KIFC3: variants seen among roughly 807,000 people sequenced by gnomAD.
The protein encoded by KIFC3 is kinesin-like protein KIFC3.
KIFC3 carries 60 observed loss-of-function variants against 101.8 expected under a neutral mutation model. The observed-to-expected ratio is 0.59, with a 90% CI of 0.48 to 0.73. KIFC3 has a LOEUF of 0.73. Among genes scored for constraint, KIFC3 ranks in the 30% least tolerant of loss-of-function variants. KIFC3 has a pLI of 0.00. For missense variants in KIFC3, 966 were observed against 1,137.1 expected, an observed-to-expected ratio of 0.85 and a Z score of 2.16; for synonymous variants, 476 against 482.7, an observed-to-expected ratio of 0.99 and a Z score of 0.18.
chr16:57,803,091 G>T, upstream of KIFC3: 1 of 1,478,432 alleles, frequency 6.8e-7, no homozygotes, highest in Non-Finnish European at 9.1e-7. Context: ...TCTAGCCACA[G>T]CACTTCCTAC....
intron 1 of KIFC3, chr16:57,810,504 C>T (rs1438147869): frequency 1.5e-5 from 3 of 198,166 alleles, no homozygotes; most frequent in South Asian, 1.8e-4. Flanking sequence ...ACCTCCCGCC[C>T]GCCCCGCTGA....
intron 10 of KIFC3, 106 bp from the exon 11 acceptor site, chr16:57,765,746 A>G: frequency 1.9e-6 from 2 of 1,036,732 alleles, no homozygotes; most frequent in East Asian, 2.6e-5. Context: ...GAGTCCCCTG[A>G]CTTTTAAGCA....
At chr16:57,761,600 C>G in intron 13 of KIFC3, 64 bp from the exon 14 acceptor site, 3 of 1,566,598 alleles carry the variant, frequency 1.9e-6, no homozygotes, top group Admixed American at 3.4e-5. Context: ...GCACTGCACC[C>G]AGCCCCCCAG....
At chr16:57,802,805 A>C, upstream of KIFC3, 2 of 787,900 alleles carry the variant, frequency 2.5e-6, no homozygotes, top group East Asian at 5.4e-5. This position sits in a 1 kb window ranked among gnomAD's most constrained non-coding sequence, Gnocchi z 5.0. Flanking sequence ...GAGGCAGCCC[A>C]CACAGCCCCA....
chr16:57,857,592 T>G (rs1365604541), intron 1 of KIFC3, among the ~76,000 whole-genome samples: 1 of 151,692 alleles, frequency 6.6e-6, no homozygotes, highest in Non-Finnish European at 1.5e-5. Flanking sequence ...TTCCCCTCCC[T>G]GTGTCTATGT....
At chr16:57,840,263 G>A (rs568616705) in intron 1 of KIFC3, among the ~76,000 whole-genome samples, 4 of 151,972 alleles carry the variant, frequency 2.6e-5, no homozygotes, top group Middle Eastern at 3.4e-3. Context: ...GCTTGAACCC[G>A]GGAGGTGGAG....
rs781950611 is a variant in KIFC3 at position 57,771,678 on chromosome 16, G to A, written c.390C>T (p.Thr130=). 8 of 1,611,416 alleles carry A rather than the reference G, an allele frequency of 5.0e-6. No individual in the cohort carries two copies. The highest frequency in any genetic ancestry group is 1.3e-5 in the African/African-American group (1 of 74,914). ...GCAGGTCCCGGTGCTTCTCCAAGTC[G>A]GTGCCCCCCTGCAGAGAGCCAGGGC... ...VSRLRSELGG[T]DLEKHRDLLM... The change falls in exon 5 of 20, where the codon ACC becomes ACT. Residue 130 remains threonine (T), a synonymous_variant. Coordinates refer to ENST00000445690, the MANE Select transcript of KIFC3 (RefSeq NM_001130100.2).
chr16:57,835,095 C>T (rs966439317), intron 1 of KIFC3, among the ~76,000 whole-genome samples: 7 of 152,180 alleles, frequency 4.6e-5, no homozygotes, highest in Admixed American at 3.3e-4. Flanking sequence ...TGAGTAAGAA[C>T]GGAGGCGGGT....
chr16:57,859,610 A>G (rs1402866572), intron 1 of KIFC3, among the ~76,000 whole-genome samples: 2 of 152,052 alleles, frequency 1.3e-5, no homozygotes, highest in African/African-American at 2.4e-5. Context: ...GAAATTTCCC[A>G]CAAGCAACAC....
At chr16:57,770,146 C>T (rs1019968775) in intron 7 of KIFC3, among the ~76,000 whole-genome samples, 191 bp from the exon 8 acceptor site, 9 of 152,248 alleles carry the variant, frequency 5.9e-5, no homozygotes, top group African/African-American at 2.2e-4. Flanking sequence ...GCATTGGCTC[C>T]AACACCAACC....
At chr16:57,827,518 G>C (rs34580283) in intron 1 of KIFC3, among the ~76,000 whole-genome samples, 47,496 of 152,078 alleles carry the variant, frequency 0.31, 7,818 homozygotes, top group African/African-American at 0.36. Context: ...CCCTTCTCCT[G>C]CCTGTCCCTC....
Position 57,769,515 on chromosome 16 carries a change from A to G in KIFC3, c.1218+80T>C. The stretch of plus-strand genomic sequence containing the variant: ...CTGAGCGGCTTTGTCTGAGCTTTGG[A>G]GGGACGCCCTGAGTGGATGTCGTGC... On this transcript the variant is annotated intron_variant, in intron 9 of 19. Transcript: ENST00000445690. The surrounding 1 kb of genome is among the most constrained non-coding windows in gnomAD (Gnocchi z 4.3). The G allele has an allele frequency of 6.6e-7, 1 of 1,520,280 alleles. No individual in the cohort carries two copies. Among genetic ancestry groups the G allele is most frequent in the Non-Finnish European group, 8.8e-7 (1 of 1,131,304 alleles). The allele number at this position is 1,520,280 out of a possible 1,614,324, so 94.2% of individuals were successfully genotyped here.
rs2049776868 is a variant in KIFC3 at position 57,760,975 on chromosome 16, C to G, written c.2003-20G>C. ...GCTTCCCTGCAGGGAAGGCACCCACCAGATCAGGCCTGCCCTGCCCCTTGG... is the reference window on the plus strand; with the variant it reads ...GCTTCCCTGCAGGGAAGGCACCCACGAGATCAGGCCTGCCCTGCCCCTTGG... On this transcript the variant is annotated intron_variant, in intron 15 of 19. Coordinates refer to ENST00000445690, the MANE Select transcript of KIFC3 (RefSeq NM_001130100.2). 6.2e-7 allele frequency: 1 copy of G among 1,605,570 alleles called. No homozygotes were observed. Among genetic ancestry groups the G allele is most frequent in the African/African-American group, 1.3e-5 (1 of 74,860 alleles).
chr16:57,770,438 G>C, intron 7 of KIFC3, 89 bp downstream of exon 7: 3 of 1,196,326 alleles, frequency 2.5e-6, no homozygotes, highest in Non-Finnish European at 3.3e-6. Context: ...CCGTGTCTGT[G>C]GGGTACCCAA....
At chr16:57,845,056 G>C (rs1257189423) in intron 1 of KIFC3, among the ~76,000 whole-genome samples, 1 of 152,134 alleles carries the variant, frequency 6.6e-6, no homozygotes, top group African/African-American at 2.4e-5. Flanking sequence ...CAAAAATTAA[G>C]TGACCTAGGC....
chr16:57,768,884 C>G (rs1490504856), intron 9 of KIFC3, among the ~76,000 whole-genome samples: 1 of 152,108 alleles, frequency 6.6e-6, no homozygotes, highest in Non-Finnish European at 1.5e-5. Context: ...AAGACTGTAT[C>G]GGCCAGTCAT....
intron 1 of KIFC3, among the ~76,000 whole-genome samples, chr16:57,812,529 G>C (rs1024571062): frequency 6.6e-6 from 1 of 152,166 alleles, no homozygotes; most frequent in East Asian, 1.9e-4. Flanking sequence ...GCTGCTGACC[G>C]AGTGTGATGG....
intron 1 of KIFC3, among the ~76,000 whole-genome samples, chr16:57,861,895 G>C (rs2149342870): frequency 6.6e-6 from 1 of 152,266 alleles, no homozygotes; most frequent in Admixed American, 6.5e-5. Flanking sequence ...TTTGCAGTGA[G>C]CCAAGATTGT....
chr16:57,762,324 G>A lies in KIFC3; in HGVS notation c.1618-54C>T, dbSNP rs113626648. The A allele has an allele frequency of 4.0e-3, 5,746 of 1,439,340 alleles. 219 individuals are homozygous for A. The African/African-American group carries it at 0.073, about 18-fold the overall frequency. 89.2% of individuals were successfully genotyped at this position (1,439,340 alleles called of 1,614,324 possible). On this transcript the variant is annotated intron_variant, in intron 12 of 19. Transcript: ENST00000445690. ...GCCAGGCCTGTCCCCAAAGACGCTC[G>A]TGTGGTGTCTGTCCCCAAAGCCCCT...
Sources: allele counts gnomAD v4.1 joint callset (sites outside exome capture counted in the v4.1 genomes callset), GRCh38; gene constraint gnomAD v4.1.1; non-coding constraint Gnocchi (gnomAD v3.1); transcripts MANE v1.5; gene names NCBI Gene and HGNC (gene_info 2026-07-23, HGNC 2026-07-21).